Variants in CLSTN2 observed in about 807,000 individuals in gnomAD.
The protein encoded by CLSTN2 is calsyntenin 2, also known as calsyntenin-2.
Under a neutral mutation model 101.2 loss-of-function variants are expected in CLSTN2, and 48 were observed. The observed-to-expected ratio is 0.47, with a 90% CI of 0.38 to 0.60. The LOEUF (loss-of-function observed/expected upper bound fraction) is 0.60, where lower values mean the gene tolerates loss of function less well. Ranked by LOEUF, CLSTN2 falls within the 20% of genes least tolerant of loss-of-function variation. The pLI, the probability that CLSTN2 is intolerant of heterozygous loss-of-function variation, is 0.00. For missense variants in CLSTN2, 1,160 were observed against 1,238.2 expected, an observed-to-expected ratio of 0.94 and a Z score of 0.95; for synonymous variants, 481 against 463.6, an observed-to-expected ratio of 1.04 and a Z score of -0.48.
chr3:139,936,047 A>G (rs1282456881), intron 1 of CLSTN2, among the ~76,000 whole-genome samples: 1 of 152,180 alleles, frequency 6.6e-6, no homozygotes, highest in Non-Finnish European at 1.5e-5. Flanking sequence ...GTCCGGAAGA[A>G]GCGCGGGATG....
intron 1 of CLSTN2, among the ~76,000 whole-genome samples, chr3:140,001,836 A>G (rs968349244): frequency 2.3e-4 from 35 of 151,844 alleles, no homozygotes; most frequent in African/African-American, 8.0e-4. Flanking sequence ...CAATTGTTTT[A>G]ATTTCTAGAT....
Position 140,427,207 on chromosome 3 carries a change from G to GTGTGTATATA in CLSTN2, c.787+5934_787+5935insGTGTATATAT, listed in dbSNP as rs1397987072. 1.0e-3 allele frequency among the ~76,000 whole-genome samples: 87 copies of GTGTGTATATA among 84,936 alleles called. 4 individuals are homozygous for GTGTGTATATA. Among genetic ancestry groups the GTGTGTATATA allele is most frequent in the African/African-American group, 6.1e-3 (82 of 13,552 alleles). 55.7% of individuals were successfully genotyped at this position (84,936 alleles called of 152,430 possible). ...AAAATATATATATATATATATATGT[G>GTGTGTATATA]TATATATATATATATATGTGTGTAT... On this transcript the variant is annotated intron_variant, in intron 5 of 16. Transcript: ENST00000458420.
chr3:140,344,862 G>A (rs958756684), intron 2 of CLSTN2, among the ~76,000 whole-genome samples: 3 of 152,154 alleles, frequency 2.0e-5, no homozygotes, highest in African/African-American at 4.8e-5. Flanking sequence ...AAGAGCAAAC[G>A]CATGCTGTGT....
At chr3:139,988,275 C>T (rs1266722546) in intron 1 of CLSTN2, among the ~76,000 whole-genome samples, 1 of 152,132 alleles carries the variant, frequency 6.6e-6, no homozygotes, top group Admixed American at 6.5e-5. Flanking sequence ...AAATTTCATA[C>T]ATTAAAAACA....
intron 1 of CLSTN2, among the ~76,000 whole-genome samples, chr3:139,991,009 A>G (rs1242615995): frequency 1.3e-5 from 2 of 152,232 alleles, no homozygotes; most frequent in Non-Finnish European, 2.9e-5. Flanking sequence ...AGTCTATTTA[A>G]AGAAATATTT....
chr3:140,209,551 T>C (rs1559807201), intron 2 of CLSTN2, among the ~76,000 whole-genome samples: 1 of 152,202 alleles, frequency 6.6e-6, no homozygotes, highest in Non-Finnish European at 1.5e-5. Flanking sequence ...GCTTTATACA[T>C]ACTTGCATGG....
chr3:140,318,000 G>A (rs969912206), intron 2 of CLSTN2, among the ~76,000 whole-genome samples: 3 of 152,192 alleles, frequency 2.0e-5, no homozygotes, highest in Non-Finnish European at 2.9e-5. Context: ...GTGAGCCAGC[G>A]CACATTACCG....
chr3:140,509,700 A>T (rs1934770596), intron 8 of CLSTN2, among the ~76,000 whole-genome samples: 1 of 152,182 alleles, frequency 6.6e-6, no homozygotes, highest in African/African-American at 2.4e-5. Flanking sequence ...AGGCTCCTGC[A>T]GGAGACAGCA....
Position 140,417,169 on chromosome 3 carries a change from C to G in CLSTN2, c.638-3956C>G, listed in dbSNP as rs906313426. Among the ~76,000 whole-genome samples the G allele has an allele frequency of 4.6e-5, 7 of 152,092 alleles. No homozygotes were observed. The South Asian group carries it at 6.2e-4, about 14-fold the overall frequency. On this transcript the variant is annotated intron_variant, in intron 4 of 16. Coordinates refer to ENST00000458420, the MANE Select transcript of CLSTN2 (RefSeq NM_022131.3). ...CCGCAATGTCCTTGCATTTGTCTGT[C>G]CTCCCTTTTTTCACTTAACATTTAA...
At chr3:140,266,158 C>T (rs901129428) in intron 2 of CLSTN2, among the ~76,000 whole-genome samples, 2 of 152,150 alleles carry the variant, frequency 1.3e-5, no homozygotes, top group African/African-American at 4.8e-5. Context: ...TCAGTATTGG[C>T]ACACCCCCCA....
intron 1 of CLSTN2, among the ~76,000 whole-genome samples, chr3:139,953,292 C>T (rs1252835532): frequency 4.6e-5 from 7 of 152,160 alleles, no homozygotes; most frequent in Admixed American, 4.6e-4. Flanking sequence ...TGAGAAACTA[C>T]CTATTGGGTA....
At chr3:139,964,076 C>T (rs1269579736) in intron 1 of CLSTN2, among the ~76,000 whole-genome samples, 1 of 152,108 alleles carries the variant, frequency 6.6e-6, no homozygotes, top group Non-Finnish European at 1.5e-5. Context: ...TTTATATTTC[C>T]TCTAGGAAAA....
intron 2 of CLSTN2, among the ~76,000 whole-genome samples, chr3:140,302,951 C>T (rs1054430099): frequency 2.7e-4 from 41 of 152,120 alleles, no homozygotes; most frequent in Admixed American, 2.3e-3. Flanking sequence ...GTGATTCCTC[C>T]GCCATTGCTG....
intron 5 of CLSTN2, among the ~76,000 whole-genome samples, chr3:140,438,196 T>C (rs191716605): frequency 9.7e-4 from 148 of 152,246 alleles, no homozygotes; most frequent in African/African-American, 3.4e-3. Context: ...CTGAGATACA[T>C]TTTGTCAAGC....
intron 8 of CLSTN2, among the ~76,000 whole-genome samples, chr3:140,511,591 C>A (rs552363399): frequency 1.2e-4 from 17 of 146,506 alleles, no homozygotes; most frequent in African/African-American, 4.1e-4. Context: ...ACTCTGTCAC[C>A]CAGCGTGGAG....
At chr3:140,178,800 A>T (rs2010362573) in intron 2 of CLSTN2, among the ~76,000 whole-genome samples, 1 of 151,850 alleles carries the variant, frequency 6.6e-6, no homozygotes, top group African/African-American at 2.4e-5. Context: ...CAACTCCATC[A>T]CTCCTCGAAG....
At chr3:139,988,249 A>T (rs139676776) in intron 1 of CLSTN2, among the ~76,000 whole-genome samples, 1 of 152,216 alleles carries the variant, frequency 6.6e-6, no homozygotes, top group Admixed American at 6.5e-5. Context: ...GTTGGGCCCA[A>T]TTAGACTTTC....
In CLSTN2 at chr3:140,382,707, C is replaced by A. The variant is rs576132487; in HGVS notation, c.233-20922C>A. 3.3e-4 allele frequency among the ~76,000 whole-genome samples: 51 copies of A among 152,298 alleles called. No homozygotes were observed. The South Asian group carries it at 1.0e-2, about 30-fold the overall frequency. On this transcript the variant is annotated intron_variant, in intron 2 of 16. Transcript: ENST00000458420. ...TCCCACAGCTCTGGAGGCTGAGAAA[C>A]CAGCAGGTTGCCAGCCTGGCATGGT... is the stretch of plus-strand genomic sequence containing the variant.
At chr3:140,496,028 G>T (rs900673423) in intron 8 of CLSTN2, among the ~76,000 whole-genome samples, 1 of 152,158 alleles carries the variant, frequency 6.6e-6, no homozygotes, top group South Asian at 2.1e-4. Flanking sequence ...CATGGGAATA[G>T]CATTGAATCT....
Sources: gnomAD v4.1 joint callset for allele counts (sites outside exome capture counted in the v4.1 genomes callset) on GRCh38, gnomAD v4.1.1 for gene constraint, MANE v1.5 for transcripts, NCBI Gene and HGNC (gene_info 2026-07-23, HGNC 2026-07-21) for gene names.